Variants in C2CD3 observed in about 807,000 individuals in gnomAD.
C2CD3 encodes the protein C2 domain-containing protein 3.
In C2CD3, 148 loss-of-function variants were observed where a neutral mutation model predicts 234.0. That is an observed-to-expected ratio of 0.63 (90% confidence interval 0.55 to 0.72). The LOEUF is 0.72. C2CD3 is among the 30% of genes least tolerant of loss of function. The pLI, the probability that C2CD3 is intolerant of heterozygous loss-of-function variation, is 0.00. For synonymous variants in C2CD3, 1,000 were observed against 1,035.4 expected, an observed-to-expected ratio of 0.97 and a Z score of 0.66; for missense variants, 2,577 against 2,811.5, an observed-to-expected ratio of 0.92 and a Z score of 1.89.
chr11:74,150,524 A>AAAAAC (rs1855561576), intron 3 of C2CD3, among the ~76,000 whole-genome samples: 1 of 59,760 alleles, frequency 1.7e-5, no homozygotes, highest in Non-Finnish European at 3.3e-5. Context: ...AACAAAAAAA[A>AAAAAC]AACAAAACAA....
At chr11:74,075,483 C>T (rs1254821965) in intron 23 of C2CD3, among the ~76,000 whole-genome samples, 1 of 151,920 alleles carries the variant, frequency 6.6e-6, no homozygotes, top group Non-Finnish European at 1.5e-5. Context: ...AATAAACTGC[C>T]AACATCACTC....
intron 7 of C2CD3, among the ~76,000 whole-genome samples, chr11:74,132,379 G>A (rs770747473): frequency 8.6e-5 from 13 of 152,006 alleles, no homozygotes; most frequent in Middle Eastern, 3.4e-3. Flanking sequence ...AAAAAACCCC[G>A]CAAAATATTA....
rs778821147 is a variant in C2CD3 at position 74,170,908 on chromosome 11, G to T, written c.-116C>A. On this transcript the variant is annotated 5_prime_UTR_variant, in exon 1 of 33. In the 5' UTR this introduces an upstream ATG that the reference lacks. Transcript: ENST00000334126. ...CCCCGGCAACCGGCGCCGCTGGGCA[G>T]CCTGGGAGGCAGGAAAAAGCGACTC... is the stretch of plus-strand genomic sequence containing the variant. 6.4e-7 allele frequency: 1 copy of T among 1,554,374 alleles called. No individual in the cohort carries two copies. Among genetic ancestry groups the T allele is most frequent in the Non-Finnish European group, 8.7e-7 (1 of 1,154,848 alleles).
chr11:74,157,051 C>T (rs189918569), intron 3 of C2CD3, among the ~76,000 whole-genome samples: 129 of 152,310 alleles, frequency 8.5e-4, no homozygotes, highest in Non-Finnish European at 6.9e-4. Flanking sequence ...TTTCCCTAGT[C>T]ATCGATCATA....
At chr11:74,136,421 C>G (rs1459490312) in intron 5 of C2CD3, among the ~76,000 whole-genome samples, 1 of 152,142 alleles carries the variant, frequency 6.6e-6, no homozygotes, top group African/African-American at 2.4e-5. Flanking sequence ...ATTTAAAAAG[C>G]AAAAGCAAAA....
rs188781410 is a variant in C2CD3, at chr11:74,057,391, A to G, written c.5090+15T>C. On this transcript the variant is annotated intron_variant, in intron 25 of 32. Transcript: ENST00000334126. ...GCAGATTCTGGAAGGCTGACGAATA[A>G]CGGATAACACAAACCTTGACTGCTG... 1.1e-4 allele frequency: 177 copies of G among 1,613,970 alleles called. 4 individuals carry two copies. In the African/African-American group the frequency reaches 2.0e-3, roughly 18 times the overall value.
intron 3 of C2CD3, among the ~76,000 whole-genome samples, chr11:74,140,114 C>G (rs867632395): frequency 1.3e-5 from 2 of 149,438 alleles, no homozygotes; most frequent in South Asian, 2.1e-4. Flanking sequence ...CCATTCCCTA[C>G]AGGATTGTAA....
Position 74,028,271 on chromosome 11 carries a change from T to C in C2CD3, c.6921+16A>G, listed in dbSNP as rs764546056. On this transcript the variant is annotated intron_variant, in intron 32 of 32. Coordinates refer to ENST00000334126, the MANE Select transcript of C2CD3 (RefSeq NM_001286577.2). ...GATGACTCTATAGAAGAAAGGTCAG[T>C]TGGCCATTCTCTTACCTGATCTGTT... The C allele has an allele frequency of 4.0e-6, 6 of 1,495,588 alleles. No individual in the cohort carries two copies. The highest frequency in any genetic ancestry group is 2.8e-5 in the African/African-American group (2 of 72,230). 92.6% of individuals were successfully genotyped at this position (1,495,588 alleles called of 1,614,324 possible).
chr11:74,147,957 G>A (rs970774110), intron 3 of C2CD3, among the ~76,000 whole-genome samples: 1 of 152,172 alleles, frequency 6.6e-6, no homozygotes, highest in African/African-American at 2.4e-5. Flanking sequence ...TACTGGAAGT[G>A]TAACATATGG....
intron 32 of C2CD3, among the ~76,000 whole-genome samples, chr11:74,022,529 CAGAGTGATTGAGATAT>C (rs2135403423): frequency 6.6e-6 from 1 of 152,202 alleles, no homozygotes; most frequent in South Asian, 2.1e-4. Flanking sequence ...TTGAAGTCAT[CAGAGTGATTGAGATAT>C]TCCCAAGAGT....
intron 3 of C2CD3, among the ~76,000 whole-genome samples, chr11:74,142,541 C>G (rs1854876698): frequency 6.6e-6 from 1 of 151,908 alleles, no homozygotes; most frequent in African/African-American, 2.4e-5. Flanking sequence ...AGGATGTGTA[C>G]TAGGTGGTAT....
intron 19 of C2CD3, 69 bp from the exon 20 acceptor site, chr11:74,091,005 TTGG>T (rs1955871462): frequency 5.1e-6 from 8 of 1,575,184 alleles, no homozygotes; most frequent in Non-Finnish European, 6.9e-6. Flanking sequence ...CCACAAAGTT[TTGG>T]TCAGGAAGGA....
chr11:74,147,293 G>T (rs1459348422), intron 3 of C2CD3, among the ~76,000 whole-genome samples: 6 of 151,958 alleles, frequency 3.9e-5, no homozygotes, highest in Non-Finnish European at 8.8e-5. Flanking sequence ...GTGTGCACCT[G>T]TTAGTCCCAG....
intron 19 of C2CD3, 144 bp downstream of exon 19, chr11:74,092,272 C>T: frequency 4.9e-6 from 3 of 618,108 alleles, no homozygotes; most frequent in Non-Finnish European, 8.3e-6. Flanking sequence ...TCAGGCTGGT[C>T]TCGAACTCCT....
At chr11:74,111,623 C>T (rs2135507058) in intron 11 of C2CD3, among the ~76,000 whole-genome samples, 1 of 152,146 alleles carries the variant, frequency 6.6e-6, no homozygotes, top group East Asian at 1.9e-4. Flanking sequence ...AGAAAGGACA[C>T]TCAACTTGTG....
At position 74,034,504 on chromosome 11, in the gene C2CD3, C is replaced by T. The variant is rs368275874; in HGVS notation, c.5882-226G>A. On this transcript the variant is annotated intron_variant, in intron 30 of 32. Transcript: ENST00000334126. ...AGAATCTAATCTATAGTTGTGGATA[C>T]ATCTGTGGAAATGCTTTCAGAGACT... 4 of 1,598,760 alleles carry T rather than the reference C, an allele frequency of 2.5e-6. No homozygotes were observed. In the African/African-American group the frequency reaches 4.0e-5, roughly 16 times the overall value.
rs2135475777 is a variant in C2CD3, at chr11:74,085,734, A to G, written c.3794T>C (p.Val1265Ala). ...CSFCPEFSHHVEFTCNLVTQH... is the reference protein window; with the variant it reads ...CSFCPEFSHHAEFTCNLVTQH... ...AGTCACCAAGTTACATGTGAACTCA[A>G]CGTGATGGGAGAACTCAGGGCAGAA... is the stretch of plus-strand genomic sequence containing the variant. Residue 1265 changes from valine (V) to alanine (A), a missense_variant, in exon 21 of 33, where the codon GTT becomes GCT. Transcript: ENST00000334126. 6.2e-7 allele frequency: 1 copy of G among 1,614,196 alleles called. No individual in the cohort carries two copies.
chr11:74,097,114 A>C (rs1410835196), intron 16 of C2CD3, among the ~76,000 whole-genome samples: 1 of 151,342 alleles, frequency 6.6e-6, no homozygotes, highest in South Asian at 2.1e-4. Flanking sequence ...GCACCATTGC[A>C]CTCCAGCCTG....
chr11:74,048,373 A>C (rs1293275802), intron 27 of C2CD3, 35 bp from the exon 28 acceptor site: 15 of 1,605,312 alleles, frequency 9.3e-6, no homozygotes, highest in Middle Eastern at 1.7e-4. Flanking sequence ...TACACTTGTC[A>C]CCATAAACCC....
Sources: gnomAD v4.1 joint callset for allele counts (sites outside exome capture counted in the v4.1 genomes callset) on GRCh38, gnomAD v4.1.1 for gene constraint, MANE v1.5 for transcripts, NCBI Gene and HGNC (gene_info 2026-07-23, HGNC 2026-07-21) for gene names.